The following ARHGAP24 variants were observed in gnomAD, a reference collection of about 807,000 sequenced individuals.
The protein encoded by ARHGAP24 is Rho GTPase activating protein 24, also known as rho GTPase-activating protein 24.
Under a neutral mutation model 76.4 loss-of-function variants are expected in ARHGAP24, and 50 were observed. The ratio of observed to expected loss-of-function variants is 0.65; its 90% CI spans 0.52 to 0.83. The LOEUF is 0.83. Ranked by LOEUF, ARHGAP24 falls within the 40% of genes least tolerant of loss-of-function variation. The pLI is 0.00. For synonymous variants in ARHGAP24, 345 were observed against 323.3 expected, an observed-to-expected ratio of 1.07 and a Z score of -0.72; for missense variants, 930 against 914.2, an observed-to-expected ratio of 1.02 and a Z score of -0.22.
chr4:85,857,506 T>G (rs185581536), intron 3 of ARHGAP24, among the ~76,000 whole-genome samples: 1 of 152,216 alleles, frequency 6.6e-6, no homozygotes, highest in Non-Finnish European at 1.5e-5. Flanking sequence ...ATTATGTATT[T>G]TTTTGGTTTC....
At chr4:85,732,624 G>A (rs1200976082) in intron 3 of ARHGAP24, among the ~76,000 whole-genome samples, 1 of 151,506 alleles carries the variant, frequency 6.6e-6, no homozygotes, top group Non-Finnish European at 1.5e-5. Flanking sequence ...TCATTTGTGG[G>A]TTCATTTAGC....
At chr4:85,800,372 AGAGAG>A (rs1171981700) in intron 3 of ARHGAP24, among the ~76,000 whole-genome samples, 2 of 152,292 alleles carry the variant, frequency 1.3e-5, no homozygotes, top group African/African-American at 4.8e-5. Context: ...CTCTTGTACC[AGAGAG>A]TAGAATTGCT....
At chr4:85,787,851 A>G (rs924718520) in intron 3 of ARHGAP24, among the ~76,000 whole-genome samples, 1 of 152,184 alleles carries the variant, frequency 6.6e-6, no homozygotes, top group Non-Finnish European at 1.5e-5. Flanking sequence ...TCACACTGGG[A>G]AAATCTAAGA....
At chr4:85,515,437 G>C (rs1724460164) in intron 1 of ARHGAP24, among the ~76,000 whole-genome samples, 1 of 149,740 alleles carries the variant, frequency 6.7e-6, no homozygotes, top group Admixed American at 6.6e-5. Flanking sequence ...CTCTATACAG[G>C]TAATCATTGT....
chr4:85,755,306 T>C (rs911653094), intron 3 of ARHGAP24, among the ~76,000 whole-genome samples: 3 of 152,150 alleles, frequency 2.0e-5, no homozygotes, highest in East Asian at 3.9e-4. Context: ...AGGTCTATTG[T>C]AGAGAAGTCC....
At chr4:85,528,319 T>C (rs377531314) in intron 1 of ARHGAP24, among the ~76,000 whole-genome samples, 23 of 152,202 alleles carry the variant, frequency 1.5e-4, no homozygotes, top group Non-Finnish European at 2.6e-4. Flanking sequence ...ATATTAGCTA[T>C]GATTGCTAAA....
In ARHGAP24 at chr4:85,848,927, C is replaced by T. The variant is rs963185241; in HGVS notation, c.269-74721C>T. Among the ~76,000 whole-genome samples, 6 of 152,202 alleles carry T rather than the reference C, an allele frequency of 3.9e-5. No individual in the cohort carries two copies. The East Asian group carries it at 5.8e-4, about 15-fold the overall frequency. ...TTTGCGTAGGACTGTCTTGGAAATG[C>T]GGGCTCTTTTTTGGTTCCATATGAA... On this transcript the variant is annotated intron_variant, in intron 3 of 9. Transcript: ENST00000395184.
At chr4:85,616,914 C>T (rs554319701) in intron 2 of ARHGAP24, among the ~76,000 whole-genome samples, 22 of 152,106 alleles carry the variant, frequency 1.4e-4, no homozygotes, top group Admixed American at 5.2e-4. Context: ...AGACGTGAGC[C>T]GGCATGCCCA....
intron 3 of ARHGAP24, among the ~76,000 whole-genome samples, chr4:85,828,967 G>C (rs1226146561): frequency 6.6e-6 from 1 of 152,056 alleles, no homozygotes; most frequent in Admixed American, 6.5e-5. Context: ...AAATGAAAAA[G>C]AAGATAATAC....
Position 85,665,940 on chromosome 4 carries a change from C to T in ARHGAP24, c.181-55945C>T, listed in dbSNP as rs1017643276. 1.4e-4 allele frequency among the ~76,000 whole-genome samples: 21 copies of T among 152,162 alleles called. 1 individual carries two copies. Among genetic ancestry groups the T allele is most frequent in the Non-Finnish European group, 2.9e-5 (2 of 68,032 alleles). Reference sequence around the variant, plus strand: ...GTAACCTGACCTTTCTCTCTGGCTGCCCTTAACATTTTTTCCTTCATTTCA... The same window carrying T: ...GTAACCTGACCTTTCTCTCTGGCTGTCCTTAACATTTTTTCCTTCATTTCA... On this transcript the variant is annotated intron_variant, in intron 2 of 9. Coordinates refer to ENST00000395184, the MANE Select transcript of ARHGAP24 (RefSeq NM_001025616.3).
At chr4:85,774,275 T>C (rs1727230470) in intron 3 of ARHGAP24, among the ~76,000 whole-genome samples, 1 of 152,128 alleles carries the variant, frequency 6.6e-6, no homozygotes, top group South Asian at 2.1e-4. Flanking sequence ...GGAGAGGAAA[T>C]CTAATTTACA....
intron 5 of ARHGAP24, among the ~76,000 whole-genome samples, chr4:85,944,210 G>A (rs1248221429): frequency 1.3e-5 from 2 of 152,204 alleles, no homozygotes; most frequent in Non-Finnish European, 2.9e-5. Context: ...CTAATGACCA[G>A]TGAGGATAAG....
chr4:85,805,686 G>A (rs1050916808), intron 3 of ARHGAP24, among the ~76,000 whole-genome samples: 1 of 152,158 alleles, frequency 6.6e-6, no homozygotes, highest in African/African-American at 2.4e-5. Context: ...GCATTAAAAT[G>A]TAAATTTTCT....
intron 1 of ARHGAP24, among the ~76,000 whole-genome samples, chr4:85,568,573 C>T (rs1199599881): frequency 2.0e-5 from 3 of 151,920 alleles, no homozygotes; most frequent in African/African-American, 7.3e-5. Context: ...TCGGGTACTG[C>T]GAAAGAAAGG....
intron 2 of ARHGAP24, among the ~76,000 whole-genome samples, chr4:85,680,478 A>T (rs1026872): frequency 0.48 from 73,274 of 151,858 alleles, 18,238 homozygotes; most frequent in African/African-American, 0.58. Flanking sequence ...ATCTTCTCTA[A>T]TTTAAATTTT....
At chr4:85,689,901 T>C (rs1289914688) in intron 2 of ARHGAP24, among the ~76,000 whole-genome samples, 1 of 151,992 alleles carries the variant, frequency 6.6e-6, no homozygotes, top group Non-Finnish European at 1.5e-5. Flanking sequence ...CAGTACTGTG[T>C]TGAATAGGAA....
intron 2 of ARHGAP24, among the ~76,000 whole-genome samples, chr4:85,706,833 G>A (rs12646641): frequency 0.14 from 20,694 of 152,038 alleles, 1,824 homozygotes; most frequent in East Asian, 0.33. Flanking sequence ...CAAAGTGCTG[G>A]GATTATAGGC....
At chr4:85,654,195 G>A (rs1401165619) in intron 2 of ARHGAP24, among the ~76,000 whole-genome samples, 1 of 152,130 alleles carries the variant, frequency 6.6e-6, no homozygotes, top group Non-Finnish European at 1.5e-5. Flanking sequence ...GGGTTCCCCT[G>A]AGGCCTCTTT....
chr4:85,789,576 G>A (rs1728024082), intron 3 of ARHGAP24, among the ~76,000 whole-genome samples: 1 of 152,146 alleles, frequency 6.6e-6, no homozygotes, highest in Non-Finnish European at 1.5e-5. Flanking sequence ...AAACTGAGTT[G>A]GCAGTGAGAG....
Sources: gnomAD v4.1 joint callset for allele counts (sites outside exome capture counted in the v4.1 genomes callset) on GRCh38, gnomAD v4.1.1 for gene constraint, MANE v1.5 for transcripts, NCBI Gene and HGNC (gene_info 2026-07-23, HGNC 2026-07-21) for gene names.